Variants in OGDH observed in about 807,000 individuals in gnomAD.
The protein encoded by OGDH is 2-oxoglutarate dehydrogenase complex component E1.
Under a neutral mutation model 116.6 loss-of-function variants are expected in OGDH, and 38 were observed. The ratio of observed to expected loss-of-function variants is 0.33; its 90% CI spans 0.25 to 0.43. The LOEUF (loss-of-function observed/expected upper bound fraction) is 0.43. OGDH is among the 20% of genes least tolerant of loss of function. The probability of loss-of-function intolerance (pLI) is 1.00; values close to 1 mark genes in which losing one functional copy is unlikely to be tolerated. For synonymous variants in OGDH, 488 were observed against 533.3 expected, an observed-to-expected ratio of 0.92 and a Z score of 1.17; for missense variants, 825 against 1,357.2, an observed-to-expected ratio of 0.61 and a Z score of 6.16.
At chr7:44,671,427 A>C (rs902996612) in intron 5 of OGDH, among the ~76,000 whole-genome samples, 1 of 152,156 alleles carries the variant, frequency 6.6e-6, no homozygotes, top group Non-Finnish European at 1.5e-5. Context: ...TTGGGGATCA[A>C]ATTTCATCAG....
intron 1 of OGDH, among the ~76,000 whole-genome samples, chr7:44,616,807 G>GTATA (rs1562610856): frequency 7.9e-6 from 1 of 127,220 alleles, no homozygotes; most frequent in Non-Finnish European, 1.7e-5. Context: ...GTATATATAT[G>GTATA]CATATATACG....
At chr7:44,669,615 G>A (rs1334710096) in intron 5 of OGDH, among the ~76,000 whole-genome samples, 1 of 152,098 alleles carries the variant, frequency 6.6e-6, no homozygotes, top group East Asian at 1.9e-4. Flanking sequence ...TCTGAATCTT[G>A]AATCCCAGGT....
chr7:44,607,220 C>T (rs899416084), intron 1 of OGDH, among the ~76,000 whole-genome samples: 1 of 152,226 alleles, frequency 6.6e-6, no homozygotes, highest in Admixed American at 6.5e-5. Flanking sequence ...CAGACCTTGG[C>T]GCCGCCCCCA....
At chr7:44,610,496 G>A (rs922639516) in intron 1 of OGDH, among the ~76,000 whole-genome samples, 1 of 151,792 alleles carries the variant, frequency 6.6e-6, no homozygotes, top group African/African-American at 2.4e-5. Context: ...TAGAGACGGG[G>A]TTTCACCGTG....
At chr7:44,650,977 G>T (rs1331592971) in intron 4 of OGDH, among the ~76,000 whole-genome samples, 1 of 152,224 alleles carries the variant, frequency 6.6e-6, no homozygotes, top group East Asian at 1.9e-4. Flanking sequence ...TGGGGAAACA[G>T]GCTCACAGCA....
chr7:44,694,297 C>A lies in OGDH; in HGVS notation c.1516-127C>A. The A allele has an allele frequency of 5.0e-6, 6 of 1,194,182 alleles. No individual in the cohort carries two copies. Among genetic ancestry groups the A allele is most frequent in the Non-Finnish European group, 7.0e-6 (6 of 859,084 alleles). 74.0% of individuals were successfully genotyped at this position (1,194,182 alleles called of 1,614,324 possible). A position where few individuals can be genotyped will look rare whatever the true frequency, so the allele number is the denominator to read the frequency against. ...GAATCCTAATTCTAGAGAAGGTAAA[C>A]TCCAGGGCAGGCATGAGGAATGAAG... On this transcript the variant is annotated intron_variant, in intron 11 of 22. Transcript: ENST00000222673. This position sits in a 1 kb window ranked among gnomAD's most constrained non-coding sequence, Gnocchi z 4.2.
At chr7:44,631,068 GGT>G (rs1316074243) in intron 2 of OGDH, among the ~76,000 whole-genome samples, 10 of 152,118 alleles carry the variant, frequency 6.6e-5, no homozygotes, top group African/African-American at 2.4e-4. Flanking sequence ...GACCAGTACT[GGT>G]CTGTGGCCCG....
At chr7:44,640,500 AAAG>A (rs1281999788) in intron 2 of OGDH, among the ~76,000 whole-genome samples, 1 of 152,048 alleles carries the variant, frequency 6.6e-6, no homozygotes, top group African/African-American at 2.4e-5. Context: ...ATTTTATTGA[AAAG>A]AAGTAAACTT....
At chr7:44,625,210 C>T (rs768752993) in intron 2 of OGDH, among the ~76,000 whole-genome samples, 69 of 152,144 alleles carry the variant, frequency 4.5e-4, no homozygotes, top group Middle Eastern at 3.4e-3. Context: ...CTGCAACCTC[C>T]GACTCCTGGG....
intron 20 of OGDH, 28 bp downstream of exon 20, chr7:44,701,643 T>C (rs764271500): frequency 8.7e-6 from 14 of 1,602,442 alleles, no homozygotes; most frequent in Middle Eastern, 1.7e-4. Context: ...GGGCATTTCC[T>C]TGGGGGAAGC....
At chr7:44,637,795 G>A (rs1785738730) in intron 2 of OGDH, among the ~76,000 whole-genome samples, 1 of 151,752 alleles carries the variant, frequency 6.6e-6, no homozygotes, top group African/African-American at 2.4e-5. Flanking sequence ...CTCCAGCCCG[G>A]GCGATAGAGC....
chr7:44,631,951 G>C (rs1047310719), intron 2 of OGDH, among the ~76,000 whole-genome samples: 2 of 152,240 alleles, frequency 1.3e-5, no homozygotes, highest in Non-Finnish European at 1.5e-5. Context: ...AGTGCATTAT[G>C]CTGTGCTGTG....
At chr7:44,608,323 G>A (rs1459720137) in intron 1 of OGDH, among the ~76,000 whole-genome samples, 1 of 152,062 alleles carries the variant, frequency 6.6e-6, no homozygotes, top group Non-Finnish European at 1.5e-5. Context: ...CGGGAGGATG[G>A]CATGAGCCAG....
At chr7:44,655,668 C>T (rs1319930073) in intron 4 of OGDH, among the ~76,000 whole-genome samples, 1 of 152,226 alleles carries the variant, frequency 6.6e-6, no homozygotes, top group African/African-American at 2.4e-5. Context: ...CTTGATTTCA[C>T]CAGTGGCTCA....
rs577164293 is a variant in OGDH, at chr7:44,707,360, G to T, written c.2768G>T (p.Gly923Val). ...GAGCGCAAAGCACGCGACATGGTGGGGCAGGTGGCCATCACAAGGATTGAG... is the reference window on the plus strand; with the variant it reads ...GAGCGCAAAGCACGCGACATGGTGGTGCAGGTGGCCATCACAAGGATTGAG... ...TRERKARDMV[G>V]QVAITRIEQL... Residue 923 changes from glycine to valine, a missense_variant, in exon 21 of 23, where the codon GGG becomes GTG. By Grantham distance (109) the Gly-to-Val change is moderately radical. Transcript: ENST00000222673. This position sits in a 1 kb window ranked among gnomAD's most constrained non-coding sequence, Gnocchi z 5.2. The T allele has an allele frequency of 6.2e-7, 1 of 1,614,242 alleles. No individual in the cohort carries two copies. Among genetic ancestry groups the T allele is most frequent in the South Asian group, 1.1e-5 (1 of 91,084 alleles).
In OGDH at chr7:44,647,556, C is replaced by T. The variant is rs1379882174; in HGVS notation, c.415-101C>T. The T allele has an allele frequency of 2.6e-6, 4 of 1,551,488 alleles. No individual in the cohort carries two copies. In the East Asian group the frequency reaches 9.4e-5, roughly 36 times the overall value. On this transcript the variant is annotated intron_variant, in intron 3 of 22. Transcript: ENST00000222673. ...GTGGGTGAGAATTAAGCTGTAAATG[C>T]TAATTTTAATGTAATTTTACTTTTT... is the stretch of plus-strand genomic sequence containing the variant.
chr7:44,612,449 T>C (rs1244961066), intron 1 of OGDH, among the ~76,000 whole-genome samples: 2 of 151,140 alleles, frequency 1.3e-5, no homozygotes, highest in Non-Finnish European at 3.0e-5. Context: ...ATGGGCATGA[T>C]CTCGGCTCAC....
chr7:44,674,867 C>T, intron 7 of OGDH: 1 of 531,870 alleles, frequency 1.9e-6, no homozygotes, highest in Non-Finnish European at 3.4e-6. Context: ...GGGAAGGCTG[C>T]TTCCTGACAT....
At chr7:44,612,904 G>A (rs986346715) in intron 1 of OGDH, among the ~76,000 whole-genome samples, 3 of 149,636 alleles carry the variant, frequency 2.0e-5, no homozygotes, top group African/African-American at 4.9e-5. Flanking sequence ...TTTTTGAGAC[G>A]GAGTGTCACT....
Sources: gnomAD v4.1 joint callset for allele counts (sites outside exome capture counted in the v4.1 genomes callset) on GRCh38, gnomAD v4.1.1 for gene constraint, Gnocchi (gnomAD v3.1) non-coding constraint, MANE v1.5 for transcripts, NCBI Gene and HGNC (gene_info 2026-07-23, HGNC 2026-07-21) for gene names.